NAV2: variants seen among roughly 807,000 people sequenced by gnomAD.
NAV2 encodes the protein neuron navigator 2.
Under a neutral mutation model 223.2 loss-of-function variants are expected in NAV2, and 54 were observed. The observed-to-expected ratio is 0.24, with a 90% CI of 0.19 to 0.30. The LOEUF (loss-of-function observed/expected upper bound fraction) is 0.30. NAV2 is among the 10% of genes least tolerant of loss of function. The probability of loss-of-function intolerance (pLI) is 1.00; values close to 1 mark genes in which losing one functional copy is unlikely to be tolerated. For synonymous variants in NAV2, 1,279 were observed against 1,239.3 expected (o/e 1.03, Z -0.67); for missense variants, 2,806 against 3,147.5 (o/e 0.89, Z 2.60).
chr11:19,696,154 C>T (rs1472009860), intron 1 of NAV2, among the ~76,000 whole-genome samples: 2 of 151,290 alleles, frequency 1.3e-5, no homozygotes, highest in African/African-American at 4.8e-5. Flanking sequence ...ACTTGAACAT[C>T]AATCACATCG....
chr11:20,102,232 G>A (rs2061690710), intron 32 of NAV2, among the ~76,000 whole-genome samples: 1 of 152,104 alleles, frequency 6.6e-6, no homozygotes, highest in Non-Finnish European at 1.5e-5. Flanking sequence ...AAGAGAACTA[G>A]CCACTTTAAA....
intron 4 of NAV2, among the ~76,000 whole-genome samples, chr11:19,871,129 T>C (rs947571134): frequency 2.1e-4 from 32 of 152,180 alleles, no homozygotes; most frequent in African/African-American, 6.8e-4. Context: ...GGTATTTCAA[T>C]AACTGCCTTA....
intron 1 of NAV2, among the ~76,000 whole-genome samples, chr11:19,491,898 G>A (rs1322251171): frequency 6.6e-6 from 1 of 151,906 alleles, no homozygotes. Flanking sequence ...AGCCATTGTA[G>A]GGTTATTAAT....
chr11:20,027,303 G>A, intron 11 of NAV2: 1 of 985,238 alleles, frequency 1.0e-6, no homozygotes, highest in Non-Finnish European at 1.2e-6. Flanking sequence ...TTCCGCTCGG[G>A]CCCCGGGGTT....
chr11:20,096,974 T>C (rs973871627), intron 30 of NAV2, among the ~76,000 whole-genome samples: 1 of 152,246 alleles, frequency 6.6e-6, no homozygotes, highest in African/African-American at 2.4e-5. Flanking sequence ...AGCCTGTTAC[T>C]GGGATTCCAC....
At chr11:19,972,484 T>A (rs4757874) in intron 10 of NAV2, among the ~76,000 whole-genome samples, 125 of 152,334 alleles carry the variant, frequency 8.2e-4, no homozygotes, top group Admixed American at 1.8e-3. Flanking sequence ...TGAATCCCAT[T>A]TAGAATAAGT....
chr11:19,350,723 C>T, upstream of NAV2: 1 of 552,902 alleles, frequency 1.8e-6, no homozygotes, highest in Non-Finnish European at 3.2e-6. Context: ...CAAGACTTAG[C>T]TCTCATGATG....
intron 4 of NAV2, among the ~76,000 whole-genome samples, chr11:19,873,594 C>T (rs1318519918): frequency 6.6e-6 from 1 of 152,068 alleles, no homozygotes; most frequent in African/African-American, 2.4e-5. Context: ...CCCTGATGGC[C>T]AGAGAGATCT....
intron 1 of NAV2, among the ~76,000 whole-genome samples, chr11:19,706,495 A>G (rs2049666511): frequency 6.6e-6 from 1 of 152,168 alleles, no homozygotes; most frequent in Admixed American, 6.5e-5. Flanking sequence ...TGCCTCTATT[A>G]GAGTATTGGT....
intron 1 of NAV2, among the ~76,000 whole-genome samples, chr11:19,661,092 C>T (rs1394557650): frequency 1.3e-5 from 2 of 152,118 alleles, no homozygotes; most frequent in East Asian, 1.9e-4. Context: ...AAATAATAAC[C>T]ATCTACCCTG....
intron 2 of NAV2, among the ~76,000 whole-genome samples, chr11:19,840,081 A>G (rs2060429643): frequency 1.3e-5 from 2 of 152,254 alleles, no homozygotes; most frequent in Admixed American, 1.3e-4. Flanking sequence ...TGGGAATTTA[A>G]GTAAAGGAGA....
intron 6 of NAV2, among the ~76,000 whole-genome samples, chr11:19,921,171 GATCT>G (rs2044245148): frequency 6.6e-6 from 1 of 152,190 alleles, no homozygotes; most frequent in Non-Finnish European, 1.5e-5. Flanking sequence ...GAAATTGTTT[GATCT>G]ATCTGATACT....
At chr11:19,975,154 T>G (rs988161696) in intron 10 of NAV2, among the ~76,000 whole-genome samples, 1 of 152,222 alleles carries the variant, frequency 6.6e-6, no homozygotes, top group Non-Finnish European at 1.5e-5. Flanking sequence ...GCTAGAAATA[T>G]TTGCTGCAAT....
intron 1 of NAV2, among the ~76,000 whole-genome samples, chr11:19,674,486 A>T (rs1490014070): frequency 6.6e-6 from 1 of 152,206 alleles, no homozygotes; most frequent in African/African-American, 2.4e-5. Context: ...AAAAAAGGGT[A>T]TATGCCTCTG....
chr11:19,813,332 T>G (rs539323336), intron 1 of NAV2, among the ~76,000 whole-genome samples: 4 of 152,284 alleles, frequency 2.6e-5, no homozygotes, highest in African/African-American at 9.6e-5. Context: ...CTGGTTCAAG[T>G]GAAGTTTGCA....
intron 1 of NAV2, among the ~76,000 whole-genome samples, chr11:19,680,911 G>A (rs1394988738): frequency 4.6e-5 from 7 of 152,288 alleles, no homozygotes; most frequent in Admixed American, 2.0e-4. Flanking sequence ...CCATGCTTTA[G>A]GAATTTATTT....
At chr11:19,591,529 G>A (rs1160048852) in intron 1 of NAV2, among the ~76,000 whole-genome samples, 1 of 152,158 alleles carries the variant, frequency 6.6e-6, no homozygotes, top group African/African-American at 2.4e-5. Context: ...TCTGAATATG[G>A]GCACCTCTAT....
chr11:19,631,352 C>A (rs1371424668), intron 1 of NAV2, among the ~76,000 whole-genome samples: 1 of 151,764 alleles, frequency 6.6e-6, no homozygotes, highest in Non-Finnish European at 1.5e-5. Context: ...TGAGAACATG[C>A]GGTGTTTGGT....
At chr11:19,756,483 GTGAC>G (rs2054242428) in intron 1 of NAV2, among the ~76,000 whole-genome samples, 1 of 152,164 alleles carries the variant, frequency 6.6e-6, no homozygotes, top group South Asian at 2.1e-4. Context: ...GTCATGAAGG[GTGAC>G]TGAGGGAAAG....
Sources: gnomAD v4.1 joint callset for allele counts (sites outside exome capture counted in the v4.1 genomes callset) on GRCh38, gnomAD v4.1.1 for gene constraint, MANE v1.5 for transcripts, NCBI Gene and HGNC (gene_info 2026-07-23, HGNC 2026-07-21) for gene names.